IL20RA: variants seen among roughly 807,000 people sequenced by gnomAD.
IL20RA encodes interleukin 20 receptor subunit alpha, also known as interleukin-20 receptor subunit alpha.
IL20RA carries 29 observed loss-of-function variants against 36.5 expected under a neutral mutation model. That is an observed-to-expected ratio of 0.79 (90% CI 0.59 to 1.08). The LOEUF (loss-of-function observed/expected upper bound fraction) is 1.08, where lower values mean the gene tolerates loss of function less well. IL20RA is among the 50% of genes least tolerant of loss of function. The pLI is 0.00. For missense variants in IL20RA, 652 were observed against 668.4 expected (o/e 0.98, Z 0.27); for synonymous variants, 279 against 267.1 (o/e 1.04, Z -0.43).
chr6:137,011,919 G>T (rs755883121), intron 2 of IL20RA, among the ~76,000 whole-genome samples: 1 of 152,090 alleles, frequency 6.6e-6, no homozygotes, highest in Non-Finnish European at 1.5e-5. Context: ...AATGATTCTA[G>T]GGAAAATACA....
chr6:137,012,865 T>C (rs1775548061), intron 2 of IL20RA, among the ~76,000 whole-genome samples: 1 of 152,204 alleles, frequency 6.6e-6, no homozygotes, highest in Non-Finnish European at 1.5e-5. Context: ...AAGTAAATGT[T>C]TCCCATTTCC....
At chr6:137,033,678 G>T (rs1776376753) in intron 1 of IL20RA, among the ~76,000 whole-genome samples, 1 of 152,212 alleles carries the variant, frequency 6.6e-6, no homozygotes, top group South Asian at 2.1e-4. Flanking sequence ...AGCCAAGCAG[G>T]TGCCAGCACC....
chr6:137,016,078 C>T (rs409669), intron 2 of IL20RA, among the ~76,000 whole-genome samples: 124,646 of 152,230 alleles, frequency 0.82, 56,493 homozygotes, highest in East Asian at 1. Flanking sequence ...AGGCTGATGT[C>T]GTAGCCTTCC....
intron 1 of IL20RA, among the ~76,000 whole-genome samples, chr6:137,022,260 A>C: frequency 6.6e-6 from 1 of 152,058 alleles, no homozygotes; most frequent in East Asian, 1.9e-4. Context: ...GTCCTCCCTT[A>C]TCTGGTCCTA....
intron 5 of IL20RA, among the ~76,000 whole-genome samples, chr6:137,006,289 A>G (rs769490717): frequency 6.6e-6 from 1 of 152,314 alleles, no homozygotes; most frequent in Non-Finnish European, 1.5e-5. Flanking sequence ...ACCCTGCACA[A>G]TTCCCAAGGA....
intron 1 of IL20RA, among the ~76,000 whole-genome samples, chr6:137,035,539 T>G (rs1464751604): frequency 2.0e-5 from 3 of 152,212 alleles, no homozygotes; most frequent in Non-Finnish European, 4.4e-5. Flanking sequence ...CTTGTTTTCT[T>G]GTTCACCCTG....
At chr6:137,039,447 G>T (rs565946919) in intron 1 of IL20RA, among the ~76,000 whole-genome samples, 2 of 151,480 alleles carry the variant, frequency 1.3e-5, no homozygotes, top group East Asian at 3.9e-4. Flanking sequence ...GGCTGGAAAA[G>T]AAGACATGCT....
chr6:137,016,167 G>A, intron 2 of IL20RA, among the ~76,000 whole-genome samples: 1 of 152,138 alleles, frequency 6.6e-6, no homozygotes, highest in East Asian at 1.9e-4. Flanking sequence ...GGCTGTGACA[G>A]GGCCTCCACA....
In IL20RA at chr6:137,002,320, G is replaced by T. The variant is rs1367150938; in HGVS notation, c.900C>A (p.Phe300Leu). 6.2e-7 allele frequency: 1 copy of T among 1,602,802 alleles called. No individual in the cohort carries two copies. Among genetic ancestry groups the T allele is most frequent in the African/African-American group, 1.3e-5 (1 of 74,350 alleles). The change falls in exon 7 of 7, where the codon TTC (phenylalanine) becomes TTA (leucine). Residue 300 changes from phenylalanine to leucine, a missense_variant. Physicochemically the swap from Phe to Leu is conservative, Grantham distance 22. Coordinates refer to ENST00000316649, the MANE Select transcript of IL20RA (RefSeq NM_014432.4). ...LIYGNEFDKR[F>L]FVPAEKIVIN... is the part of the protein sequence containing the mutation. ...TCACGATTTTTTCAGCAGGCACAAA[G>T]AATCTTTTGTCAAATTCATTTCCAT... is the stretch of plus-strand genomic sequence containing the variant.
chr6:137,043,689 T>C (rs1401458566), intron 1 of IL20RA, among the ~76,000 whole-genome samples: 2 of 152,242 alleles, frequency 1.3e-5, no homozygotes. Context: ...ACTTTCTTCC[T>C]GCATTCACTC....
intron 2 of IL20RA, 46 bp downstream of exon 2, chr6:137,016,922 G>C (rs1225950217): frequency 1.3e-6 from 2 of 1,554,314 alleles, no homozygotes; most frequent in Non-Finnish European, 1.8e-6. Context: ...ACAAGAGTCT[G>C]AGTCTTGTGT....
intron 1 of IL20RA, among the ~76,000 whole-genome samples, chr6:137,034,750 C>A (rs1213799178): frequency 6.6e-6 from 1 of 151,880 alleles, no homozygotes; most frequent in Non-Finnish European, 1.5e-5. Flanking sequence ...ACCACCCTGG[C>A]TAACACGGTG....
In IL20RA at chr6:137,004,721, T is replaced by C; in HGVS notation, c.764A>G (p.Tyr255Cys). ...SEFKAKIIFW[Y>C]VLPVSITVFL... ...CACGGTAATAGATACGGGCAAAACA[T>C]ACCAGAAGATGATTTTAGCCTTGAA... The change falls in exon 6 of 7, where the codon TAT becomes TGT. Residue 255 changes from tyrosine to cysteine, a missense_variant. Coordinates refer to ENST00000316649, the MANE Select transcript of IL20RA (RefSeq NM_014432.4). 6.3e-7 allele frequency: 1 copy of C among 1,598,768 alleles called. No individual in the cohort carries two copies. Among genetic ancestry groups the C allele is most frequent in the Non-Finnish European group, 8.5e-7 (1 of 1,176,022 alleles).
intron 1 of IL20RA, 100 bp from the exon 2 acceptor site, chr6:137,017,203 TC>T: frequency 1.2e-6 from 1 of 855,904 alleles, no homozygotes; most frequent in Non-Finnish European, 1.9e-6. Flanking sequence ...AATACGGCCT[TC>T]CAGTATGCAT....
At chr6:137,034,877 G>A (rs993542112) in intron 1 of IL20RA, among the ~76,000 whole-genome samples, 13 of 151,726 alleles carry the variant, frequency 8.6e-5, no homozygotes, top group African/African-American at 2.2e-4. Flanking sequence ...CCCGGAAGGC[G>A]GAGGTTGCAG....
intron 1 of IL20RA, among the ~76,000 whole-genome samples, chr6:137,027,135 G>A (rs1003558053): frequency 6.6e-6 from 1 of 152,148 alleles, no homozygotes; most frequent in Non-Finnish European, 1.5e-5. Context: ...ACCCGCCTTG[G>A]CCTCCCAAAG....
At chr6:137,041,463 C>T (rs1776689466) in intron 1 of IL20RA, among the ~76,000 whole-genome samples, 1 of 152,130 alleles carries the variant, frequency 6.6e-6, no homozygotes, top group African/African-American at 2.4e-5. Flanking sequence ...AACTTCTCTG[C>T]AAGTCCCAAA....
intron 1 of IL20RA, among the ~76,000 whole-genome samples, chr6:137,034,279 G>T (rs1349982177): frequency 6.6e-6 from 1 of 152,180 alleles, no homozygotes; most frequent in East Asian, 1.9e-4. Context: ...AGAAAGAAAT[G>T]TATGTGAAAA....
At position 137,044,708 on chromosome 6, in the gene IL20RA, C is replaced by T. The variant is rs1215398465; in HGVS notation, c.21G>A (p.Pro7=). The part of the protein sequence containing the change: MRAPGR[P]ALRPLPLPPL... ...GCGGCAGCGGCAGCGGCCGCAGGGC[C>T]GGGCGGCCGGGAGCCCGCATGGGCG... Residue 7 remains proline (P), a synonymous_variant, in exon 1 of 7, where the codon CCG becomes CCA. Coordinates refer to ENST00000316649, the MANE Select transcript of IL20RA (RefSeq NM_014432.4). 8.2e-7 allele frequency: 1 copy of T among 1,221,020 alleles called. No homozygotes were observed. Among genetic ancestry groups the T allele is most frequent in the Non-Finnish European group, 1.0e-6 (1 of 981,514 alleles). 75.6% of individuals were successfully genotyped at this position (1,221,020 alleles called of 1,614,324 possible).
Sources: allele counts gnomAD v4.1 joint callset (sites outside exome capture counted in the v4.1 genomes callset), GRCh38; gene constraint gnomAD v4.1.1; transcripts MANE v1.5; gene names NCBI Gene and HGNC (gene_info 2026-07-23, HGNC 2026-07-21).